The following MYCBP2 variants were observed in gnomAD, a reference collection of about 807,000 sequenced individuals.
The protein encoded by MYCBP2 is E3 ubiquitin-protein ligase MYCBP2.
MYCBP2 carries 120 observed loss-of-function variants against 525.3 expected under a neutral mutation model. That is an observed-to-expected ratio of 0.23 (90% confidence interval 0.20 to 0.27). The LOEUF is 0.27. Among genes scored for constraint, MYCBP2 ranks in the 10% least tolerant of loss-of-function variants. MYCBP2 has a pLI of 1.00. For synonymous variants in MYCBP2, 1,894 were observed against 1,955.8 expected (o/e 0.97, Z 0.83); for missense variants, 4,149 against 5,657.1 (o/e 0.73, Z 8.55).
intron 14 of MYCBP2, among the ~76,000 whole-genome samples, chr13:77,251,633 T>C (rs1317902929): frequency 1.3e-5 from 2 of 152,178 alleles, no homozygotes; most frequent in African/African-American, 4.8e-5. Flanking sequence ...TTTCCTGTTT[T>C]CCATCCTCAC....
At chr13:77,176,978 A>G (rs973479907) in intron 35 of MYCBP2, among the ~76,000 whole-genome samples, 6 of 152,136 alleles carry the variant, frequency 3.9e-5, no homozygotes, top group African/African-American at 1.4e-4. Context: ...GCAATGATTT[A>G]CATGCTACCC....
chr13:77,191,722 C>T lies in MYCBP2; in HGVS notation c.4027G>A (p.Asp1343Asn). ...GATGCCTGTCCATGAGATCCACAGTCACTGCTGGGTCCTGACACTCGGGCC... is the reference window on the plus strand; with the variant it reads ...GATGCCTGTCCATGAGATCCACAGTTACTGCTGGGTCCTGACACTCGGGCC... ...AWARVSGPSS[D>N]CGSHGQASIT... The change falls in exon 28 of 83, where the codon GAC becomes AAC. Residue 1343 changes from aspartate (D) to asparagine (N), a missense_variant. Asp to Asn is a conservative substitution (Grantham distance 23, BLOSUM62 1). Around this residue, in one of 21 missense-constraint regions of MYCBP2, gnomAD observed 620 missense variants for 795.5 expected, o/e 0.78. Transcript: ENST00000544440. 6.2e-7 allele frequency: 1 copy of T among 1,614,058 alleles called. No homozygotes were observed. Among genetic ancestry groups the T allele is most frequent in the Non-Finnish European group, 8.5e-7 (1 of 1,179,986 alleles).
chr13:77,060,379 A>G (rs2039053428), intron 76 of MYCBP2, among the ~76,000 whole-genome samples: 2 of 152,250 alleles, frequency 1.3e-5, no homozygotes, highest in African/African-American at 4.8e-5. Context: ...TATAGGAGGA[A>G]GAAATCAACT....
rs1401956609 is a variant in MYCBP2 at position 77,050,582 on chromosome 13, A to C, written c.13921+415T>G. Among the ~76,000 whole-genome samples the C allele has an allele frequency of 2.6e-5, 4 of 151,546 alleles. No individual in the cohort carries two copies. The East Asian group carries it at 7.7e-4, about 29-fold the overall frequency. On this transcript the variant is annotated intron_variant, in intron 82 of 82. Coordinates refer to ENST00000544440, the MANE Select transcript of MYCBP2 (RefSeq NM_015057.5). ...CCCTTGACTTTCTGATGCTCACTAC[A>C]CTACTGATTCCCAGCCATTCTAGAT...
intron 2 of MYCBP2, among the ~76,000 whole-genome samples, chr13:77,294,141 T>TATATAC (rs1460788828): frequency 2.8e-4 from 36 of 130,896 alleles, no homozygotes; most frequent in Non-Finnish European, 4.7e-4. Context: ...CATATATATA[T>TATATAC]ACATATATAT....
chr13:77,196,793 G>C lies in MYCBP2; in HGVS notation c.3844-2549C>G, dbSNP rs1412966557. ...AATGCCTATCAGAGAGTCACGTGGA[G>C]ACACAGCGTAGGCTGTTGTACATAT... On this transcript the variant is annotated intron_variant, in intron 26 of 82. Transcript: ENST00000544440. Among the ~76,000 whole-genome samples, 3 of 152,208 alleles carry C rather than the reference G, an allele frequency of 2.0e-5. No individual in the cohort carries two copies. In the East Asian group the frequency reaches 5.8e-4, roughly 29 times the overall value.
intron 15 of MYCBP2, among the ~76,000 whole-genome samples, chr13:77,250,270 G>A (rs1342975181): frequency 6.6e-6 from 1 of 151,876 alleles, no homozygotes; most frequent in Non-Finnish European, 1.5e-5. Flanking sequence ...GAAAAGGCCT[G>A]TTATATATGA....
At chr13:77,166,774 A>T (rs1019504136) in intron 40 of MYCBP2, among the ~76,000 whole-genome samples, 1 of 152,210 alleles carries the variant, frequency 6.6e-6, no homozygotes, top group East Asian at 1.9e-4. Context: ...ATTTGACTTC[A>T]AAGTATGTAA....
intron 69 of MYCBP2, among the ~76,000 whole-genome samples, chr13:77,069,985 C>T (rs986224348): frequency 7.9e-5 from 12 of 152,050 alleles, no homozygotes; most frequent in African/African-American, 2.9e-4. Flanking sequence ...GCGCTATTTC[C>T]TCACCTGGTT....
chr13:77,064,549 T>G lies in MYCBP2; in HGVS notation c.12672+66A>C. On this transcript the variant is annotated intron_variant, in intron 73 of 82. Coordinates refer to ENST00000544440, the MANE Select transcript of MYCBP2 (RefSeq NM_015057.5). Reference sequence around the variant, plus strand: ...GTGATTAAAATTTGTTTAAATCTATTACTAAAAAAGAACACGCAATGATAC... The same window carrying G: ...GTGATTAAAATTTGTTTAAATCTATGACTAAAAAAGAACACGCAATGATAC... The G allele has an allele frequency of 2.0e-6, 3 of 1,475,788 alleles. No homozygotes were observed. In the South Asian group the frequency reaches 4.1e-5, roughly 20 times the overall value. The allele number at this position is 1,475,788 out of a possible 1,614,324, so 91.4% of individuals were successfully genotyped here.
chr13:77,179,094 G>A (rs1463735886), intron 34 of MYCBP2, among the ~76,000 whole-genome samples: 3 of 152,180 alleles, frequency 2.0e-5, no homozygotes, highest in Non-Finnish European at 2.9e-5. Flanking sequence ...AATTTCTTAC[G>A]TATGAATTTC....
At chr13:77,245,713 C>T (rs1490396781) in intron 15 of MYCBP2, among the ~76,000 whole-genome samples, 5 of 150,466 alleles carry the variant, frequency 3.3e-5, no homozygotes, top group African/African-American at 1.2e-4. Context: ...CAAACCTGCA[C>T]GTTCTGCACA....
chr13:77,215,806 C>T (rs1451327754), intron 21 of MYCBP2, among the ~76,000 whole-genome samples: 1 of 152,168 alleles, frequency 6.6e-6, no homozygotes, highest in Non-Finnish European at 1.5e-5. Flanking sequence ...GTCTCAAACT[C>T]CTGGGCTTGA....
intron 1 of MYCBP2, among the ~76,000 whole-genome samples, chr13:77,319,363 G>T (rs193172911): frequency 6.6e-6 from 1 of 152,082 alleles, no homozygotes; most frequent in Non-Finnish European, 1.5e-5. Flanking sequence ...GCACTCAGAT[G>T]CCCCATCCTA....
chr13:77,208,444 G>T (rs921283701), intron 23 of MYCBP2, among the ~76,000 whole-genome samples: 1 of 152,176 alleles, frequency 6.6e-6, no homozygotes, highest in East Asian at 1.9e-4. Flanking sequence ...ATTGTAGGTA[G>T]TATCGTAATA....
At chr13:77,314,854 G>A (rs1049739848) in intron 1 of MYCBP2, among the ~76,000 whole-genome samples, 1 of 152,118 alleles carries the variant, frequency 6.6e-6, no homozygotes, top group Non-Finnish European at 1.5e-5. Flanking sequence ...CTATGCGTGA[G>A]TGGGGGAAAG....
intron 4 of MYCBP2, 27 bp from the exon 5 acceptor site, chr13:77,273,695 A>T: frequency 7.0e-7 from 1 of 1,435,108 alleles, no homozygotes; most frequent in Admixed American, 2.6e-5. Flanking sequence ...ATTCAATTAT[A>T]TTCATCCAAC....
intron 74 of MYCBP2, 111 bp from the exon 75 acceptor site, chr13:77,061,901 A>T: frequency 8.9e-7 from 1 of 1,121,870 alleles, no homozygotes; most frequent in Non-Finnish European, 1.2e-6. Context: ...AAGTCTATTA[A>T]GAATTTAGAA....
chr13:77,188,014 T>C (rs922580913), intron 30 of MYCBP2, among the ~76,000 whole-genome samples: 2 of 141,976 alleles, frequency 1.4e-5, no homozygotes, highest in African/African-American at 5.3e-5. Flanking sequence ...GAGGTTGCAG[T>C]GAGCCAAGAT....
Sources: gnomAD v4.1 joint callset for allele counts (sites outside exome capture counted in the v4.1 genomes callset) on GRCh38, gnomAD v4.1.1 for gene constraint, gnomAD v4.1.1 regional missense constraint, MANE v1.5 for transcripts, NCBI Gene and HGNC (gene_info 2026-07-23, HGNC 2026-07-21) for gene names.